The following C10orf143 variants were observed in gnomAD, a reference collection of about 807,000 sequenced individuals.
C10orf143 encodes the protein uncharacterized protein C10orf143.
intron 1 of C10orf143, among the ~76,000 whole-genome samples, chr10:130,089,080 G>C (rs1279190456): frequency 6.6e-6 from 1 of 152,146 alleles, no homozygotes; most frequent in East Asian, 1.9e-4. Flanking sequence ...TCTGATATGA[G>C]CAAGCCAACA....
intron 3 of C10orf143, among the ~76,000 whole-genome samples, chr10:130,053,130 G>A (rs893327165): frequency 6.6e-6 from 1 of 152,106 alleles, no homozygotes; most frequent in Non-Finnish European, 1.5e-5. Context: ...GCATGATCTC[G>A]GCTCACTGCA....
intron 1 of C10orf143, among the ~76,000 whole-genome samples, chr10:130,094,015 TAA>T (rs61617138): frequency 1.2e-4 from 16 of 137,714 alleles, no homozygotes; most frequent in African/African-American, 3.0e-4. Context: ...ATCTCACCAT[TAA>T]AAAAAAAAAA....
chr10:130,046,093 G>C (rs1860667850), intron 3 of C10orf143, among the ~76,000 whole-genome samples: 1 of 151,744 alleles, frequency 6.6e-6, no homozygotes, highest in African/African-American at 2.4e-5. Context: ...TCAGGGCATG[G>C]GGATGGGGCG....
At position 130,107,700 on chromosome 10, in the gene C10orf143, G is replaced by A. The variant is rs542885147; in HGVS notation, c.69+3004C>T. ...AGACTCTCACCTTTGCCTCCAGGGG[G>A]GGAAGGAAGAGGCTCAAGAGGCCCA... is the stretch of plus-strand genomic sequence containing the variant. On this transcript the variant is annotated intron_variant, in intron 1 of 3. Transcript: ENST00000637128. 68 of 1,268,862 alleles carry A rather than the reference G, an allele frequency of 5.4e-5. No individual in the cohort carries two copies. In the African/African-American group the frequency reaches 9.4e-4, roughly 18 times the overall value. 78.6% of individuals were successfully genotyped at this position (1,268,862 alleles called of 1,614,324 possible).
intron 1 of C10orf143, among the ~76,000 whole-genome samples, chr10:130,094,573 T>C (rs1861434172): frequency 6.6e-6 from 1 of 152,154 alleles, no homozygotes; most frequent in Non-Finnish European, 1.5e-5. Flanking sequence ...TGGTTCAACA[T>C]ACACAAATCA....
chr10:130,109,547 C>G (rs1316789343), intron 1 of C10orf143, among the ~76,000 whole-genome samples: 1 of 152,130 alleles, frequency 6.6e-6, no homozygotes, highest in Non-Finnish European at 1.5e-5. Flanking sequence ...CAAAAGCACC[C>G]TAACCTGCTA....
chr10:130,109,751 C>G (rs1412995926), intron 1 of C10orf143, among the ~76,000 whole-genome samples: 3 of 151,924 alleles, frequency 2.0e-5, no homozygotes, highest in Non-Finnish European at 1.5e-5. Context: ...GGGTAGAAAG[C>G]TAGTCATTCC....
chr10:130,110,458 G>C (rs906756190), intron 1 of C10orf143, among the ~76,000 whole-genome samples: 1 of 152,196 alleles, frequency 6.6e-6, no homozygotes, highest in Non-Finnish European at 1.5e-5. Context: ...GTGTGGGTCA[G>C]GAAGGTGCCC....
intron 1 of C10orf143, among the ~76,000 whole-genome samples, chr10:130,101,883 A>AAC (rs1861563011): frequency 7.0e-6 from 1 of 143,826 alleles, no homozygotes; most frequent in South Asian, 2.2e-4. Flanking sequence ...AAAAAAAAAA[A>AAC]AACTTTTTCA....
intron 3 of C10orf143, among the ~76,000 whole-genome samples, chr10:130,048,203 G>A (rs993962206): frequency 1.6e-4 from 24 of 152,168 alleles, no homozygotes; most frequent in African/African-American, 5.8e-4. Context: ...ATATATGACG[G>A]CTGTCTGGGG....
At chr10:130,055,247 T>C (rs1455225767) in intron 3 of C10orf143, among the ~76,000 whole-genome samples, 1 of 151,936 alleles carries the variant, frequency 6.6e-6, no homozygotes, top group Non-Finnish European at 1.5e-5. Flanking sequence ...AAAGCAAAAA[T>C]AGACAAGTGG....
chr10:130,094,342 C>G (rs1235326958), intron 1 of C10orf143, among the ~76,000 whole-genome samples: 1 of 152,060 alleles, frequency 6.6e-6, no homozygotes, highest in Non-Finnish European at 1.5e-5. Context: ...TTCCAAACAA[C>G]AGAAAAAGAG....
chr10:130,036,186 T>C (rs1860543290), intron 3 of C10orf143, among the ~76,000 whole-genome samples: 1 of 152,194 alleles, frequency 6.6e-6, no homozygotes, highest in East Asian at 1.9e-4. Context: ...GTTTCTCCTG[T>C]ATTCTGATGG....
At chr10:130,107,141 A>C in intron 1 of C10orf143, 1 of 1,601,496 alleles carries the variant, frequency 6.2e-7, no homozygotes, top group Non-Finnish European at 8.6e-7. Flanking sequence ...GCAGTCAGAA[A>C]ACACACATTT....
At chr10:130,101,931 C>G (rs1861564411) in intron 1 of C10orf143, among the ~76,000 whole-genome samples, 1 of 147,848 alleles carries the variant, frequency 6.8e-6, no homozygotes, top group African/African-American at 2.5e-5. Context: ...ACCAGCAAAC[C>G]TGTCCTATAA....
chr10:130,109,557 A>G lies in C10orf143; in HGVS notation c.69+1147T>C, dbSNP rs148396698. Among the ~76,000 whole-genome samples the G allele has an allele frequency of 3.9e-5, 6 of 152,254 alleles. No individual in the cohort carries two copies. The East Asian group carries it at 9.7e-4, about 25-fold the overall frequency. On this transcript the variant is annotated intron_variant, in intron 1 of 3. Coordinates refer to ENST00000637128, the MANE Select transcript of C10orf143 (RefSeq NM_001355042.2). ...GGTTACAAAAGCACCCTAACCTGCT[A>G]TATTACTGTACTATACTATTACTAT...
intron 3 of C10orf143, among the ~76,000 whole-genome samples, chr10:130,058,760 C>G (rs531287094): frequency 6.6e-6 from 1 of 152,152 alleles, no homozygotes; most frequent in Admixed American, 6.5e-5. Context: ...TGTAAAGCTA[C>G]CCCTTATCCT....
chr10:130,074,983 C>T (rs1861091917), intron 3 of C10orf143, among the ~76,000 whole-genome samples: 2 of 151,954 alleles, frequency 1.3e-5, no homozygotes, highest in Admixed American at 1.3e-4. Flanking sequence ...TGCACACACA[C>T]CATATATACC....
intron 3 of C10orf143, among the ~76,000 whole-genome samples, chr10:130,044,737 A>G (rs1337267968): frequency 2.0e-5 from 3 of 152,134 alleles, no homozygotes; most frequent in Non-Finnish European, 2.9e-5. Context: ...CGGTGGATCC[A>G]TTTGTCAACG....
Sources: allele counts gnomAD v4.1 joint callset (sites outside exome capture counted in the v4.1 genomes callset), GRCh38; gene constraint gnomAD v4.1.1; transcripts MANE v1.5; gene names NCBI Gene and HGNC (gene_info 2026-07-23, HGNC 2026-07-21).